CCSER1: variants seen among roughly 807,000 people sequenced by gnomAD.
The protein encoded by CCSER1 is serine-rich coiled-coil domain-containing protein 1.
A neutral mutation model predicts 82.0 loss-of-function variants in CCSER1; 41 were observed. The ratio of observed to expected loss-of-function variants is 0.50; its 90% CI spans 0.39 to 0.65. The LOEUF (loss-of-function observed/expected upper bound fraction) is 0.65. CCSER1 is among the 30% of genes least tolerant of loss of function. CCSER1 has a pLI of 0.00. For missense variants in CCSER1, 1,119 were observed against 1,064.2 expected (o/e 1.05, Z -0.72); for synonymous variants, 414 against 383.9 (o/e 1.08, Z -0.92).
In CCSER1 at chr4:90,308,249, A is replaced by G; in HGVS notation, c.-36A>G. The G allele has an allele frequency of 6.7e-7, 1 of 1,488,566 alleles. No individual in the cohort carries two copies. The highest frequency in any genetic ancestry group is 8.9e-7 in the Non-Finnish European group (1 of 1,120,068). 92.2% of individuals were successfully genotyped at this position (1,488,566 alleles called of 1,614,324 possible). On this transcript the variant is annotated 5_prime_UTR_variant, in exon 2 of 11. Coordinates refer to ENST00000509176, the MANE Select transcript of CCSER1 (RefSeq NM_001145065.2). Reference sequence around the variant, plus strand: ...TTTGTTTTAACCTTTCTCAGGCTGCAAAGTTGGCTTTCACAGTGCAAGCCT... The same window carrying G: ...TTTGTTTTAACCTTTCTCAGGCTGCGAAGTTGGCTTTCACAGTGCAAGCCT...
chr4:90,704,669 A>G (rs772421285), intron 6 of CCSER1, among the ~76,000 whole-genome samples: 1 of 152,010 alleles, frequency 6.6e-6, no homozygotes, highest in Non-Finnish European at 1.5e-5. Flanking sequence ...GGCTTTGTTC[A>G]TTTCTTTTTG....
intron 1 of CCSER1, among the ~76,000 whole-genome samples, chr4:90,219,013 G>A (rs1020579391): frequency 6.6e-5 from 10 of 152,130 alleles, no homozygotes; most frequent in African/African-American, 2.4e-4. Context: ...CTAAGGTTAA[G>A]GAGAAATTAT....
chr4:91,130,591 G>T (rs1288540254), intron 10 of CCSER1, among the ~76,000 whole-genome samples: 1 of 151,538 alleles, frequency 6.6e-6, no homozygotes, highest in African/African-American at 2.4e-5. Flanking sequence ...GTAATGAAAA[G>T]TTACATATAT....
intron 10 of CCSER1, among the ~76,000 whole-genome samples, chr4:91,283,403 G>A (rs116657994): frequency 0.01 from 1,591 of 152,118 alleles, 9 homozygotes; most frequent in Non-Finnish European, 0.015. Flanking sequence ...AAAGAAAAGA[G>A]CAACTACTAA....
intron 10 of CCSER1, among the ~76,000 whole-genome samples, chr4:91,357,933 A>T (rs1748968294): frequency 8.8e-6 from 1 of 113,220 alleles, no homozygotes; most frequent in Non-Finnish European, 1.7e-5. Flanking sequence ...TTTAAAGCAA[A>T]CTTTCTTTAT....
chr4:90,429,816 T>C (rs1211040254), intron 4 of CCSER1, among the ~76,000 whole-genome samples: 1 of 151,860 alleles, frequency 6.6e-6, no homozygotes, highest in Non-Finnish European at 1.5e-5. Flanking sequence ...GGTAAATGTA[T>C]AATTTGAATG....
chr4:91,233,935 C>T (rs1184755883), intron 10 of CCSER1, among the ~76,000 whole-genome samples: 3 of 151,814 alleles, frequency 2.0e-5, no homozygotes, highest in Non-Finnish European at 4.4e-5. Context: ...ATGTCAATTA[C>T]CTGCATTTTG....
intron 10 of CCSER1, among the ~76,000 whole-genome samples, chr4:91,093,458 T>C (rs1049312840): frequency 2.6e-5 from 4 of 152,238 alleles, no homozygotes; most frequent in African/African-American, 9.6e-5. Flanking sequence ...TAATCTAGCA[T>C]TTGTTAGCCC....
Position 91,131,518 on chromosome 4 carries a change from G to C in CCSER1, c.2217+45524G>C, listed in dbSNP as rs567652196. Among the ~76,000 whole-genome samples the C allele has an allele frequency of 5.7e-4, 87 of 151,994 alleles. 2 individuals are homozygous for C. The South Asian group carries it at 0.017, about 30-fold the overall frequency. The stretch of plus-strand genomic sequence containing the variant: ...GCAGTATATAATACCTTTGTGATCA[G>C]GAGACACATACTGCATTATTTAATT... On this transcript the variant is annotated intron_variant, in intron 10 of 10. Coordinates refer to ENST00000509176, the MANE Select transcript of CCSER1 (RefSeq NM_001145065.2).
chr4:91,100,370 CTATTAT>C (rs144104351), intron 10 of CCSER1, among the ~76,000 whole-genome samples: 49,641 of 151,100 alleles, frequency 0.33, 8,615 homozygotes, highest in East Asian at 0.45. Flanking sequence ...GCAACAGTTA[CTATTAT>C]TATTATTATT....
At chr4:91,055,509 C>G (rs1388257595) in intron 9 of CCSER1, among the ~76,000 whole-genome samples, 1 of 152,108 alleles carries the variant, frequency 6.6e-6, no homozygotes, top group Non-Finnish European at 1.5e-5. Flanking sequence ...GAGAGATCTC[C>G]AAATAAGCTT....
At chr4:90,506,484 C>T (rs576094523) in intron 5 of CCSER1, among the ~76,000 whole-genome samples, 18 of 152,100 alleles carry the variant, frequency 1.2e-4, no homozygotes, top group East Asian at 3.9e-4. Context: ...AACTTTAGGC[C>T]GGGCATGGTG....
At chr4:91,249,245 C>T (rs1013273504) in intron 10 of CCSER1, among the ~76,000 whole-genome samples, 2 of 152,082 alleles carry the variant, frequency 1.3e-5, no homozygotes, top group Non-Finnish European at 2.9e-5. Flanking sequence ...TTAGTTGTCA[C>T]ATGTTTTGAA....
chr4:91,303,002 G>A (rs546527713), intron 10 of CCSER1, among the ~76,000 whole-genome samples: 24 of 152,082 alleles, frequency 1.6e-4, no homozygotes, highest in African/African-American at 5.8e-4. Context: ...TGCCACAAGA[G>A]TGTCTAGCAC....
At chr4:91,179,031 A>T (rs1733716993) in intron 10 of CCSER1, among the ~76,000 whole-genome samples, 1 of 152,168 alleles carries the variant, frequency 6.6e-6, no homozygotes, top group Non-Finnish European at 1.5e-5. Context: ...GCTTGTCTGT[A>T]AAGAATTTTA....
chr4:90,739,218 G>A (rs1746139724), intron 7 of CCSER1, among the ~76,000 whole-genome samples: 2 of 152,172 alleles, frequency 1.3e-5, no homozygotes, highest in Admixed American at 1.3e-4. Flanking sequence ...TCCCTTTAGG[G>A]CAGTGGGTTC....
At position 90,932,938 on chromosome 4, in the gene CCSER1, GAAA is replaced by G. The variant is rs1176728973; in HGVS notation, c.2172+9492_2172+9494del. ...AGAAAGAAAGAAAGAAAGAAAGAAA[GAAA>G]GAAAGAAAGAAAGAAAGAAAGAAAG... On this transcript the variant is annotated intron_variant, in intron 9 of 10. Coordinates refer to ENST00000509176, the MANE Select transcript of CCSER1 (RefSeq NM_001145065.2). Among the ~76,000 whole-genome samples, 28 of 28,242 alleles carry G rather than the reference GAAA, an allele frequency of 9.9e-4. 8 individuals carry two copies. Among genetic ancestry groups the G allele is most frequent in the African/African-American group, 7.6e-3 (27 of 3,548 alleles). 18.5% of individuals were successfully genotyped at this position (28,242 alleles called of 152,430 possible).
chr4:90,576,491 T>A (rs573526389), intron 5 of CCSER1, among the ~76,000 whole-genome samples: 1 of 152,280 alleles, frequency 6.6e-6, no homozygotes, highest in South Asian at 2.1e-4. Flanking sequence ...GTAATTTCAC[T>A]TCAACTATGA....
At chr4:91,343,538 T>C (rs1405143267) in intron 10 of CCSER1, among the ~76,000 whole-genome samples, 2 of 152,172 alleles carry the variant, frequency 1.3e-5, no homozygotes, top group Non-Finnish European at 2.9e-5. Context: ...ATTTCCAAAG[T>C]GTGAATTCAC....
Sources: allele counts gnomAD v4.1 joint callset (sites outside exome capture counted in the v4.1 genomes callset), GRCh38; gene constraint gnomAD v4.1.1; transcripts MANE v1.5; gene names NCBI Gene and HGNC (gene_info 2026-07-23, HGNC 2026-07-21).